Variants in AMDHD1 observed in about 807,000 individuals in gnomAD.
AMDHD1 encodes the protein amidohydrolase domain containing 1.
Under a neutral mutation model 44.1 loss-of-function variants are expected in AMDHD1, and 45 were observed. That is an observed-to-expected ratio of 1.02 (90% CI 0.80 to 1.31). The LOEUF is 1.31. Ranked by LOEUF, AMDHD1 falls within the 50% of genes most tolerant of loss-of-function variation. AMDHD1 has a pLI of 0.00. For missense variants in AMDHD1, 586 were observed against 552.1 expected, an observed-to-expected ratio of 1.06 and a Z score of -0.61; for synonymous variants, 206 against 205.0, an observed-to-expected ratio of 1.00 and a Z score of -0.04.
intron 4 of AMDHD1, 89 bp downstream of exon 4, chr12:95,957,051 C>G: frequency 6.5e-7 from 1 of 1,539,064 alleles, no homozygotes; most frequent in Non-Finnish European, 8.8e-7. Context: ...TTAGCTCTTG[C>G]AGGGAGATGG....
Position 95,965,786 on chromosome 12 carries a change from A to AT in AMDHD1, c.1032+14dup. ...TGCATATTGCTTTTCAATGGTAATT[A>AT]TTTTTTTCATGTACCTTTCTGAGCA... On this transcript the variant is annotated splice_region_variant and intron_variant, in intron 7 of 8. Transcript: ENST00000266736. 5 of 1,580,174 alleles carry AT rather than the reference A, an allele frequency of 3.2e-6. No individual in the cohort carries two copies. Among genetic ancestry groups the AT allele is most frequent in the African/African-American group, 1.3e-5 (1 of 74,220 alleles).
At chr12:95,963,706 G>A (rs1387226513) in intron 6 of AMDHD1, among the ~76,000 whole-genome samples, 1 of 152,136 alleles carries the variant, frequency 6.6e-6, no homozygotes, top group Non-Finnish European at 1.5e-5. Context: ...CAAGAAATAA[G>A]TTTTTTGTTT....
In AMDHD1 at chr12:95,960,527, T is replaced by C; in HGVS notation, c.717T>C (p.Asp239=). 6.2e-7 allele frequency: 1 copy of C among 1,614,226 alleles called. No individual in the cohort carries two copies. The highest frequency in any genetic ancestry group is 2.2e-5 in the East Asian group (1 of 44,884). ...TATTTTGTGAGAAAGGTGTCTTTGA[T>C]CTCGATTCCACCAGAAGGATTCTTC... ...IDVFCEKGVF[D]LDSTRRILQR... is the part of the protein sequence containing the mutation. The change falls in exon 5 of 9, where the codon GAT becomes GAC. Residue 239 remains aspartate, a synonymous_variant. Coordinates refer to ENST00000266736, the MANE Select transcript of AMDHD1 (RefSeq NM_152435.3).
intron 4 of AMDHD1, among the ~76,000 whole-genome samples, chr12:95,958,287 ATATT>A (rs2080562960): frequency 6.6e-6 from 1 of 152,156 alleles, no homozygotes. Flanking sequence ...AAAAATATAA[ATATT>A]TAATATCAAT....
chr12:95,952,116 G>A (rs1488851924), intron 1 of AMDHD1, among the ~76,000 whole-genome samples: 1 of 152,056 alleles, frequency 6.6e-6, no homozygotes, highest in Non-Finnish European at 1.5e-5. Flanking sequence ...TTTTTGGCTT[G>A]GTTGCCTGTT....
At chr12:95,960,814 A>T (rs765588274) in intron 5 of AMDHD1, among the ~76,000 whole-genome samples, 191 bp downstream of exon 5, 2 of 152,172 alleles carry the variant, frequency 1.3e-5, no homozygotes, top group Non-Finnish European at 2.9e-5. Context: ...TTTTTTGCTG[A>T]TGATTTACTT....
At position 95,965,791 on chromosome 12, in the gene AMDHD1, T is replaced by G. The variant is rs1436372178; in HGVS notation, c.1032+12T>G. 6.4e-7 allele frequency: 1 copy of G among 1,567,382 alleles called. No individual in the cohort carries two copies. ...ATTGCTTTTCAATGGTAATTATTTT[T>G]TTCATGTACCTTTCTGAGCAGAGTA... is the stretch of plus-strand genomic sequence containing the variant. On this transcript the variant is annotated intron_variant, in intron 7 of 8. Transcript: ENST00000266736.
At chr12:95,963,920 T>A (rs2080595645) in intron 6 of AMDHD1, among the ~76,000 whole-genome samples, 1 of 151,280 alleles carries the variant, frequency 6.6e-6, no homozygotes, top group African/African-American at 2.4e-5. Flanking sequence ...TCCCAACTAC[T>A]CGGGAGGCTG....
intron 6 of AMDHD1, among the ~76,000 whole-genome samples, chr12:95,963,943 C>T (rs1467475169): frequency 1.3e-5 from 2 of 151,076 alleles, no homozygotes; most frequent in Admixed American, 6.6e-5. Flanking sequence ...GCAGGAGAAT[C>T]CCTTGAACCC....
intron 4 of AMDHD1, among the ~76,000 whole-genome samples, chr12:95,959,513 A>T (rs1044975503): frequency 6.6e-6 from 1 of 152,020 alleles, no homozygotes; most frequent in African/African-American, 2.4e-5. Flanking sequence ...GGCTCAAGCA[A>T]TCCTTTTGCC....
chr12:95,967,738 T>TTG lies in AMDHD1; in HGVS notation c.1194-17_1194-16insGT. 1 of 1,270,940 alleles carries TTG rather than the reference T, an allele frequency of 7.9e-7. No individual in the cohort carries two copies. The highest frequency in any genetic ancestry group is 1.5e-5 in the South Asian group (1 of 67,478). The allele number at this position is 1,270,940 out of a possible 1,614,324, so 78.7% of individuals were successfully genotyped here. On this transcript the variant is annotated splice_polypyrimidine_tract_variant and intron_variant, in intron 8 of 8. Coordinates refer to ENST00000266736, the MANE Select transcript of AMDHD1 (RefSeq NM_152435.3). ...CACACATTGAAGTAATATTTGTTGT[T>TTG]TTTTTTTTTTTTTCTAGATGGGAGC...
At chr12:95,955,112 G>C (rs764100705) in intron 3 of AMDHD1, 137 bp downstream of exon 3, 152 of 832,932 alleles carry the variant, frequency 1.8e-4, no homozygotes, top group Admixed American at 9.2e-5. Context: ...TTGGGTATGG[G>C]AAACAAATGA....
chr12:95,947,783 T>G, intron 1 of AMDHD1, among the ~76,000 whole-genome samples: 1 of 35,596 alleles, frequency 2.8e-5, no homozygotes, highest in Admixed American at 2.7e-4. Flanking sequence ...GCCCCCCGCC[T>G]GGCCAGCCGC....
chr12:95,967,334 C>T (rs1398858221), intron 8 of AMDHD1, among the ~76,000 whole-genome samples: 1 of 152,210 alleles, frequency 6.6e-6, no homozygotes, highest in East Asian at 1.9e-4. Flanking sequence ...GGGCACATAG[C>T]AGCAAACCAT....
At chr12:95,952,232 C>T (rs549851449) in intron 1 of AMDHD1, among the ~76,000 whole-genome samples, 4 of 152,250 alleles carry the variant, frequency 2.6e-5, no homozygotes, top group African/African-American at 9.6e-5. Flanking sequence ...AGATTTCAGT[C>T]TTTAACCCAT....
rs2080577469 is a variant in AMDHD1, at chr12:95,960,748, A to G, written c.813+125A>G. On this transcript the variant is annotated intron_variant, in intron 5 of 8. Transcript: ENST00000266736. ...TTGAATGGGGAAATTTGTTTGAACA[A>G]TGTACAGATTGGTCTGGTTGAGACT... is the stretch of plus-strand genomic sequence containing the variant. 6 of 1,013,452 alleles carry G rather than the reference A, an allele frequency of 5.9e-6. 1 individual carries two copies. In the South Asian group the frequency reaches 9.9e-5, roughly 17 times the overall value. 62.8% of individuals were successfully genotyped at this position (1,013,452 alleles called of 1,614,324 possible). A position where few individuals can be genotyped will look rare whatever the true frequency, so the allele number is the denominator to read the frequency against.
rs1010400914 is a variant in AMDHD1 at position 95,968,567 on chromosome 12, T to G, written c.*724T>G. 2 of 152,264 alleles carry G rather than the reference T, an allele frequency of 1.3e-5. No individual in the cohort carries two copies. The highest frequency in any genetic ancestry group is 4.8e-5 in the African/African-American group (2 of 41,478). 9.4% of individuals were successfully genotyped at this position (152,264 alleles called of 1,614,324 possible). A position where few individuals can be genotyped will look rare whatever the true frequency, so the allele number is the denominator to read the frequency against. On this transcript the variant is annotated 3_prime_UTR_variant, in exon 9 of 9. Transcript: ENST00000266736. ...TTGGGTGAAACACATTTTACAGCTC[T>G]CAATAAATGTTTGCTGTCGCTCTTA...
At position 95,943,365 on chromosome 12, in the gene AMDHD1, G is replaced by T; in HGVS notation, c.-34G>T. ...TGAGTCCTGCCGGTGGCCCGAGCCC[G>T]GTGGCCTCCCGGCGACCCTCGGCGC... is the stretch of plus-strand genomic sequence containing the variant. On this transcript the variant is annotated 5_prime_UTR_variant, in exon 1 of 9. Transcript: ENST00000266736. 1 of 1,222,566 alleles carries T rather than the reference G, an allele frequency of 8.2e-7. No individual in the cohort carries two copies. Among genetic ancestry groups the T allele is most frequent in the East Asian group, 8.9e-5 (1 of 11,226 alleles). 75.7% of individuals were successfully genotyped at this position (1,222,566 alleles called of 1,614,324 possible).
At chr12:95,964,519 G>T (rs75231851) in intron 6 of AMDHD1, among the ~76,000 whole-genome samples, 123 of 152,148 alleles carry the variant, frequency 8.1e-4, no homozygotes, top group Middle Eastern at 3.4e-3. Context: ...TTTATGGAAG[G>T]GGGGGAGGGC....
Sources: allele counts gnomAD v4.1 joint callset (sites outside exome capture counted in the v4.1 genomes callset), GRCh38; gene constraint gnomAD v4.1.1; transcripts MANE v1.5; gene names NCBI Gene and HGNC (gene_info 2026-07-23, HGNC 2026-07-21).